TLCD4: variants seen among roughly 807,000 people sequenced by gnomAD.
TLCD4 encodes the protein TLC domain containing 4, also known as TLC domain-containing protein 4.
In TLCD4, 7 loss-of-function variants were observed where a neutral mutation model predicts 24.2. The ratio of observed to expected loss-of-function variants is 0.29; its 90% CI spans 0.16 to 0.54. The LOEUF is 0.54. Among genes scored for constraint, TLCD4 ranks in the 20% least tolerant of loss-of-function variants. The pLI is 0.95. For synonymous variants in TLCD4, 103 were observed against 106.4 expected (o/e 0.97, Z 0.20); for missense variants, 259 against 313.9 (o/e 0.82, Z 1.32).
At chr1:95,147,870 C>T (rs1677392653) in intron 2 of TLCD4, among the ~76,000 whole-genome samples, 1 of 152,114 alleles carries the variant, frequency 6.6e-6, no homozygotes, top group Non-Finnish European at 1.5e-5. Context: ...AAGTATAGTT[C>T]TCTAAGTAAC....
the TLCD4 span, among the ~76,000 whole-genome samples, chr1:95,097,607 A>G: frequency 2.6e-5 from 4 of 152,250 alleles, no homozygotes; most frequent in Admixed American, 2.6e-4. Context: ...GGAGTAGTGT[A>G]AATACCTAAG....
intron 2 of TLCD4, among the ~76,000 whole-genome samples, chr1:95,147,159 T>C (rs1677376773): frequency 6.6e-6 from 1 of 151,826 alleles, no homozygotes; most frequent in Non-Finnish European, 1.5e-5. Flanking sequence ...CTGAAACCTT[T>C]GCCTCCCAGG....
intron 5 of TLCD4, among the ~76,000 whole-genome samples, chr1:95,157,544 A>C (rs1677667551): frequency 1.3e-5 from 2 of 152,166 alleles, no homozygotes; most frequent in South Asian, 4.1e-4. Context: ...TTGACTCGTA[A>C]GTTCTTAATT....
At position 95,160,247 on chromosome 1, in the gene TLCD4, T is replaced by C. The variant is rs569623114; in HGVS notation, c.399+8828T>C. 2.6e-5 allele frequency among the ~76,000 whole-genome samples: 4 copies of C among 152,294 alleles called. No homozygotes were observed. In the South Asian group the frequency reaches 8.3e-4, roughly 32 times the overall value. ...ATCCCTTGTAAGTTGGATTCCTAGG[T>C]ATTTTATTATCTTTGTAGCAATAGT... On this transcript the variant is annotated intron_variant, in intron 5 of 6. Transcript: ENST00000370203.
At chr1:95,157,908 C>T (rs1484344564) in intron 5 of TLCD4, among the ~76,000 whole-genome samples, 2 of 152,146 alleles carry the variant, frequency 1.3e-5, no homozygotes, top group African/African-American at 2.4e-5. Flanking sequence ...GGAAATAAGA[C>T]CACCTCTTGA....
chr1:95,163,039 A>T (rs1677879522), intron 5 of TLCD4, among the ~76,000 whole-genome samples: 1 of 152,058 alleles, frequency 6.6e-6, no homozygotes, highest in Non-Finnish European at 1.5e-5. Context: ...CTGAATTTGA[A>T]TGTTGGCCTG....
At chr1:95,110,231 C>T in the TLCD4 span, among the ~76,000 whole-genome samples, 1 of 151,584 alleles carries the variant, frequency 6.6e-6, no homozygotes, top group African/African-American at 2.4e-5. Context: ...TTCTGTCTTT[C>T]CTCTAGTTCC....
At position 95,194,892 on chromosome 1, in the gene TLCD4, C is replaced by T. The variant is rs961213720; in HGVS notation, c.*3024C>T. The stretch of plus-strand genomic sequence containing the variant: ...TTATATATGAGTGCAAAGAAATTGA[C>T]TTCTGCTCAAATATGTGTTGATACC... On this transcript the variant is annotated 3_prime_UTR_variant, in exon 7 of 7. Coordinates refer to ENST00000370203, the MANE Select transcript of TLCD4 (RefSeq NM_152487.3). The T allele has an allele frequency of 1.3e-5, 2 of 152,120 alleles. No homozygotes were observed. Among genetic ancestry groups the T allele is most frequent in the African/African-American group, 4.8e-5 (2 of 41,440 alleles). The allele number at this position is 152,120 out of a possible 1,614,324, so 9.4% of individuals were successfully genotyped here.
At chr1:95,109,172 A>G in the TLCD4 span, among the ~76,000 whole-genome samples, 1 of 152,048 alleles carries the variant, frequency 6.6e-6, no homozygotes, top group African/African-American at 2.4e-5. Flanking sequence ...TGCAAAAAAT[A>G]CAAAAATTAG....
Position 95,197,457 on chromosome 1 carries a change from T to C in TLCD4, c.*5589T>C, listed in dbSNP as rs1199763322. 2 of 152,172 alleles carry C rather than the reference T, an allele frequency of 1.3e-5. No individual in the cohort carries two copies. Among genetic ancestry groups the C allele is most frequent in the African/African-American group, 2.4e-5 (1 of 41,440 alleles). 9.4% of individuals were successfully genotyped at this position (152,172 alleles called of 1,614,324 possible). A position where few individuals can be genotyped will look rare whatever the true frequency, so the allele number is the denominator to read the frequency against. ...AAATTTTTAGTTAACATTTCAAGAATGATAAAATGAACACCCTGTAAATTA... is the reference window on the plus strand; with the variant it reads ...AAATTTTTAGTTAACATTTCAAGAACGATAAAATGAACACCCTGTAAATTA... On this transcript the variant is annotated 3_prime_UTR_variant, in exon 7 of 7. Coordinates refer to ENST00000370203, the MANE Select transcript of TLCD4 (RefSeq NM_152487.3).
In TLCD4 at chr1:95,173,906, ATTGATTATT is replaced by A. The variant is rs773096986; in HGVS notation, c.473+20_473+28del. 1.2e-6 allele frequency: 2 copies of A among 1,613,268 alleles called. No homozygotes were observed. The highest frequency in any genetic ancestry group is 2.7e-5 in the African/African-American group (2 of 74,890). On this transcript the variant is annotated intron_variant, in intron 6 of 6. Transcript: ENST00000370203. ...GAATCAGCGGTATGTTACTGATATC[ATTGATTATT>A]TTAAAGTCATGCTGTTTATTTTTAG...
intron 2 of TLCD4, among the ~76,000 whole-genome samples, chr1:95,145,633 G>A (rs949744169): frequency 6.6e-6 from 1 of 152,166 alleles, no homozygotes; most frequent in Admixed American, 6.5e-5. Flanking sequence ...GGAAAGAGAA[G>A]GGGGTACATA....
the TLCD4 span, among the ~76,000 whole-genome samples, chr1:95,101,154 G>A: frequency 6.6e-6 from 1 of 152,010 alleles, no homozygotes; most frequent in African/African-American, 2.4e-5. Context: ...TGATCCACCC[G>A]CCTCAGCCTC....
intron 2 of TLCD4, among the ~76,000 whole-genome samples, chr1:95,146,476 A>G (rs74770848): frequency 0.021 from 3,144 of 152,220 alleles, 59 homozygotes; most frequent in Non-Finnish European, 0.029. Flanking sequence ...GCTATTCTAA[A>G]ATAGTCATTA....
At chr1:95,188,345 G>A (rs950879627) in intron 6 of TLCD4, among the ~76,000 whole-genome samples, 1 of 136,334 alleles carries the variant, frequency 7.3e-6, no homozygotes, top group Non-Finnish European at 1.5e-5. Flanking sequence ...CCAAGATCGC[G>A]CCACTGTACT....
chr1:95,159,950 G>T (rs1041625685), intron 5 of TLCD4, among the ~76,000 whole-genome samples: 1 of 152,180 alleles, frequency 6.6e-6, no homozygotes, highest in African/African-American at 2.4e-5. Context: ...GATGCCTCCA[G>T]CATTGTTCTT....
upstream of TLCD4, among the ~76,000 whole-genome samples, chr1:95,116,949 A>C (rs1676443257): frequency 6.6e-6 from 1 of 152,122 alleles, no homozygotes. Context: ...GGCAAGAAAA[A>C]CCAGCAGTTG....
At chr1:95,098,056 T>C in the TLCD4 span, among the ~76,000 whole-genome samples, 1 of 152,216 alleles carries the variant, frequency 6.6e-6, no homozygotes, top group African/African-American at 2.4e-5. Flanking sequence ...CATCATTTAT[T>C]GAATGCTGAC....
intron 1 of TLCD4, among the ~76,000 whole-genome samples, chr1:95,137,841 A>G (rs889319495): frequency 7.3e-5 from 11 of 151,662 alleles, no homozygotes; most frequent in African/African-American, 2.7e-4. Flanking sequence ...GGCTCAAGTG[A>G]TCCTCCCATC....
Sources: allele counts gnomAD v4.1 joint callset (sites outside exome capture counted in the v4.1 genomes callset), GRCh38; gene constraint gnomAD v4.1.1; transcripts MANE v1.5; gene names NCBI Gene and HGNC (gene_info 2026-07-23, HGNC 2026-07-21).